UCHL3: variants seen among roughly 807,000 people sequenced by gnomAD.
The protein encoded by UCHL3 is ubiquitin C-terminal hydrolase L3, also known as ubiquitin carboxyl-terminal hydrolase isozyme L3.
A neutral mutation model predicts 35.8 loss-of-function variants in UCHL3; 22 were observed. That is an observed-to-expected ratio of 0.61 (90% CI 0.44 to 0.88). The LOEUF (loss-of-function observed/expected upper bound fraction) is 0.88. UCHL3 is among the 40% of genes least tolerant of loss of function. The pLI is 0.00. For missense variants in UCHL3, 229 were observed against 276.9 expected (o/e 0.83, Z 1.23); for synonymous variants, 90 against 92.8 (o/e 0.97, Z 0.17).
chr13:75,568,405 T>G (rs911170082), intron 5 of UCHL3, among the ~76,000 whole-genome samples: 13 of 151,558 alleles, frequency 8.6e-5, no homozygotes, highest in Non-Finnish European at 5.9e-5. Context: ...TTATTATACA[T>G]AAAAATAAAC....
chr13:75,584,546 C>T (rs543202478), intron 6 of UCHL3, among the ~76,000 whole-genome samples: 2 of 152,230 alleles, frequency 1.3e-5, no homozygotes, highest in East Asian at 1.9e-4. Flanking sequence ...ATGAGACACG[C>T]CCATTTTTAG....
At chr13:75,569,752 T>C (rs1253769206) in intron 6 of UCHL3, among the ~76,000 whole-genome samples, 1 of 152,258 alleles carries the variant, frequency 6.6e-6, no homozygotes, top group Non-Finnish European at 1.5e-5. Context: ...TTAGAGATAA[T>C]GCAGATTGTG....
At chr13:75,563,125 CTTTATGTATGTATGTA>C (rs576761811) in intron 3 of UCHL3, among the ~76,000 whole-genome samples, 9,755 of 146,236 alleles carry the variant, frequency 0.067, 443 homozygotes, top group Non-Finnish European at 0.092. Context: ...CCTCATTATC[CTTTATGTATGTATGTA>C]TGTATGTATG....
chr13:75,563,920 C>CTGTGTGTG (rs58677064), intron 3 of UCHL3, among the ~76,000 whole-genome samples: 3,631 of 149,416 alleles, frequency 0.024, 50 homozygotes, highest in East Asian at 0.067. Flanking sequence ...AATAATATTT[C>CTGTGTGTG]TGTGTGTGTG....
chr13:75,570,086 T>G (rs1315481448), intron 6 of UCHL3, among the ~76,000 whole-genome samples: 2 of 152,194 alleles, frequency 1.3e-5, no homozygotes, highest in African/African-American at 4.8e-5. Flanking sequence ...CAGCCCTGAC[T>G]GTATCACTCT....
chr13:75,590,054 G>A (rs1406412868), intron 6 of UCHL3: 2 of 1,304,566 alleles, frequency 1.5e-6, no homozygotes, highest in Non-Finnish European at 2.0e-6. Context: ...GCCCTGCAAA[G>A]GCTACCAGTC....
At chr13:75,553,937 A>T (rs180785358) in intron 2 of UCHL3, among the ~76,000 whole-genome samples, 1 of 152,358 alleles carries the variant, frequency 6.6e-6, no homozygotes, top group Admixed American at 6.5e-5. Context: ...TTGCCATTCC[A>T]GAGAGGCCGT....
At chr13:75,554,293 G>T (rs980224394) in intron 2 of UCHL3, among the ~76,000 whole-genome samples, 7 of 152,062 alleles carry the variant, frequency 4.6e-5, no homozygotes, top group African/African-American at 7.2e-5. Flanking sequence ...TCAAATGCCT[G>T]GCCTCAAACA....
chr13:75,550,908 C>G (rs2031078499), intron 2 of UCHL3, among the ~76,000 whole-genome samples: 1 of 152,146 alleles, frequency 6.6e-6, no homozygotes, highest in African/African-American at 2.4e-5. Flanking sequence ...CATCCTCTGT[C>G]TTGCTCTCTA....
chr13:75,566,175 C>G (rs993534449), intron 3 of UCHL3, among the ~76,000 whole-genome samples: 1 of 152,168 alleles, frequency 6.6e-6, no homozygotes, highest in Non-Finnish European at 1.5e-5. Context: ...CCCTTTCAGA[C>G]TTTCCAATGT....
intron 2 of UCHL3, 145 bp from the exon 3 acceptor site, chr13:75,560,608 A>G (rs543438063): frequency 5.5e-6 from 4 of 724,896 alleles, no homozygotes; most frequent in Non-Finnish European, 8.4e-6. Flanking sequence ...AATGTCAGTT[A>G]CATTTGTATT....
intron 6 of UCHL3, among the ~76,000 whole-genome samples, chr13:75,587,780 A>G (rs566644854): frequency 6.6e-6 from 1 of 152,300 alleles, no homozygotes; most frequent in African/African-American, 2.4e-5. Context: ...GTTGGAAATC[A>G]CATTTCTCAC....
intron 6 of UCHL3, among the ~76,000 whole-genome samples, chr13:75,587,828 A>C (rs555571092): frequency 1.4e-4 from 21 of 152,262 alleles, no homozygotes; most frequent in Admixed American, 4.6e-4. Context: ...GGGATGAGGT[A>C]ATGTCTTTGC....
At chr13:75,558,512 A>G (rs2031369481) in intron 2 of UCHL3, among the ~76,000 whole-genome samples, 1 of 152,248 alleles carries the variant, frequency 6.6e-6, no homozygotes, top group Non-Finnish European at 1.5e-5. Context: ...CTTTGTGGGT[A>G]CATAAAATTA....
At chr13:75,596,226 A>C (rs562437025) in intron 7 of UCHL3, among the ~76,000 whole-genome samples, 1 of 152,358 alleles carries the variant, frequency 6.6e-6, no homozygotes, top group South Asian at 2.1e-4. Context: ...CAAGGAAAAG[A>C]AAGAACATAG....
At chr13:75,565,930 G>A (rs534223689) in intron 3 of UCHL3, among the ~76,000 whole-genome samples, 2 of 152,100 alleles carry the variant, frequency 1.3e-5, no homozygotes, top group Non-Finnish European at 2.9e-5. Flanking sequence ...CAGCTATAGA[G>A]CCCACATTTT....
chr13:75,560,715 T>C (rs1237532147), intron 2 of UCHL3, 38 bp from the exon 3 acceptor site: 12 of 1,562,676 alleles, frequency 7.7e-6, no homozygotes, highest in East Asian at 2.2e-5. Flanking sequence ...TACCAACTAA[T>C]GTTCCATTGT....
chr13:75,595,597 C>CAAA (rs58733406), intron 7 of UCHL3, among the ~76,000 whole-genome samples: 12,166 of 45,430 alleles, frequency 0.27, 3,864 homozygotes, highest in Non-Finnish European at 0.3. Context: ...TACTCCATCT[C>CAAA]AAAAAAAAAA....
At chr13:75,559,030 C>CTTTTTTTT (rs34100020) in intron 2 of UCHL3, among the ~76,000 whole-genome samples, 5 of 64,282 alleles carry the variant, frequency 7.8e-5, no homozygotes, top group African/African-American at 2.6e-4. Context: ...GCCCCGGACT[C>CTTTTTTTT]TTTTTTTTTT....
Sources: allele counts gnomAD v4.1 joint callset (sites outside exome capture counted in the v4.1 genomes callset), GRCh38; gene constraint gnomAD v4.1.1; transcripts MANE v1.5; gene names NCBI Gene and HGNC (gene_info 2026-07-23, HGNC 2026-07-21).